AGAP1: variants seen among roughly 807,000 people sequenced by gnomAD.
The protein encoded by AGAP1 is ArfGAP with GTPase domain, ankyrin repeat and PH domain 1.
Under a neutral mutation model 105.3 loss-of-function variants are expected in AGAP1, and 29 were observed. That is an observed-to-expected ratio of 0.28 (90% CI 0.21 to 0.38). The LOEUF (loss-of-function observed/expected upper bound fraction) is 0.38. Among genes scored for constraint, AGAP1 ranks in the 10% least tolerant of loss-of-function variants. The probability of loss-of-function intolerance (pLI) is 1.00; values close to 1 mark genes in which losing one functional copy is unlikely to be tolerated. For missense variants in AGAP1, 998 were observed against 1,165.1 expected, an observed-to-expected ratio of 0.86 and a Z score of 2.09; for synonymous variants, 509 against 485.9, an observed-to-expected ratio of 1.05 and a Z score of -0.63.
rs947176429 is a variant in AGAP1 at position 235,586,871 on chromosome 2, G to T, written c.163+92022G>T. ...TCTTGAGGACGGGTTTTGTCGGAGT[G>T]TAGTTCATATACCATGCACAGCCTG... On this transcript the variant is annotated intron_variant, in intron 1 of 17. Transcript: ENST00000304032. This position sits in a 1 kb window ranked among gnomAD's most constrained non-coding sequence, Gnocchi z 4.2. 6.6e-6 allele frequency among the ~76,000 whole-genome samples: 1 copy of T among 152,176 alleles called. No homozygotes were observed. Among genetic ancestry groups the T allele is most frequent in the African/African-American group, 2.4e-5 (1 of 41,432 alleles).
At chr2:235,567,772 G>T (rs1944394009) in intron 1 of AGAP1, among the ~76,000 whole-genome samples, 1 of 151,830 alleles carries the variant, frequency 6.6e-6, no homozygotes, top group Non-Finnish European at 1.5e-5. Context: ...TGTCCACTGT[G>T]GGGGGCGGCT....
In AGAP1 at chr2:235,960,830, C is replaced by T. The variant is rs1164506046; in HGVS notation, c.1484-7632C>T. ...TGTCAATAGACTTCACTCATGGACT[C>T]AGTCGTTCGCCTAAAAATAGATTCC... On this transcript the variant is annotated intron_variant, in intron 12 of 17. Transcript: ENST00000304032. The surrounding 1 kb of genome is among the most constrained non-coding windows in gnomAD (Gnocchi z 4.9). 6.6e-6 allele frequency among the ~76,000 whole-genome samples: 1 copy of T among 152,214 alleles called. No homozygotes were observed. The highest frequency in any genetic ancestry group is 1.5e-5 in the Non-Finnish European group (1 of 68,050).
Position 235,714,974 on chromosome 2 carries a change from G to A in AGAP1, c.223-2583G>A, listed in dbSNP as rs1449389349. 6.6e-6 allele frequency among the ~76,000 whole-genome samples: 1 copy of A among 151,914 alleles called. No individual in the cohort carries two copies. The highest frequency in any genetic ancestry group is 1.5e-5 in the Non-Finnish European group (1 of 67,970). On this transcript the variant is annotated intron_variant, in intron 2 of 17. Coordinates refer to ENST00000304032, the MANE Select transcript of AGAP1 (RefSeq NM_001037131.3). The surrounding 1 kb of genome is among the most constrained non-coding windows in gnomAD (Gnocchi z 4.1). ...CACCACGCCTTGTTATTTTTTTGTA[G>A]TTTTAGTAGAGATGGGATTTCACCG...
chr2:236,072,005 CA>C (rs2058508788), intron 16 of AGAP1, among the ~76,000 whole-genome samples: 1 of 152,162 alleles, frequency 6.6e-6, no homozygotes, highest in Non-Finnish European at 1.5e-5. Flanking sequence ...GTCCCTGGCC[CA>C]TCTCTAGGAG....
chr2:235,677,620 C>T (rs1948812717), intron 1 of AGAP1, among the ~76,000 whole-genome samples: 1 of 151,966 alleles, frequency 6.6e-6, no homozygotes. Context: ...CCTTTGGGTG[C>T]ATCATTTGAG....
chr2:235,693,596 G>A (rs555695601), intron 1 of AGAP1, among the ~76,000 whole-genome samples: 3 of 152,138 alleles, frequency 2.0e-5, no homozygotes, highest in Non-Finnish European at 2.9e-5. Flanking sequence ...GGTGGCTCAC[G>A]GCTGTAGTCC....
chr2:236,012,761 C>A lies in AGAP1; in HGVS notation c.1646-23800C>A, dbSNP rs1047993856. Among the ~76,000 whole-genome samples, 34 of 117,674 alleles carry A rather than the reference C, an allele frequency of 2.9e-4. No homozygotes were observed. Among genetic ancestry groups the A allele is most frequent in the African/African-American group, 1.3e-3 (33 of 24,608 alleles). The allele number at this position is 117,674 out of a possible 152,430, so 77.2% of individuals were successfully genotyped here. ...CTGCTAGTTTAGAGGTTGTTTCTTA[C>A]TAAATTATTATTATTATTATTATTA... is the stretch of plus-strand genomic sequence containing the variant. On this transcript the variant is annotated intron_variant, in intron 13 of 17. Coordinates refer to ENST00000304032, the MANE Select transcript of AGAP1 (RefSeq NM_001037131.3). This position sits in a 1 kb window ranked among gnomAD's most constrained non-coding sequence, Gnocchi z 4.9.
At chr2:236,099,578 A>C (rs60633994) in intron 16 of AGAP1, among the ~76,000 whole-genome samples, 3,674 of 152,336 alleles carry the variant, frequency 0.024, 172 homozygotes, top group African/African-American at 0.085. Flanking sequence ...GGAGGCCGTA[A>C]CATCAGAATT....
intron 8 of AGAP1, among the ~76,000 whole-genome samples, chr2:235,803,001 A>G (rs978665773): frequency 2.8e-4 from 15 of 53,974 alleles, no homozygotes; most frequent in Admixed American, 5.3e-4. Flanking sequence ...GATGGTGGTG[A>G]TGGTTGTGGT....
intron 5 of AGAP1, among the ~76,000 whole-genome samples, chr2:235,748,647 A>G (rs1953167339): frequency 6.6e-6 from 1 of 152,218 alleles, no homozygotes; most frequent in African/African-American, 2.4e-5. Context: ...CATAGGGCTA[A>G]GAAAATAACA....
chr2:236,115,054 C>T (rs541644100), intron 16 of AGAP1, among the ~76,000 whole-genome samples: 2 of 152,194 alleles, frequency 1.3e-5, no homozygotes, highest in South Asian at 4.1e-4. Flanking sequence ...TGAGGAGTTG[C>T]GTGAAGCTCG....
At position 236,050,491 on chromosome 2, in the gene AGAP1, A is replaced by C. The variant is rs1403575551; in HGVS notation, c.2114+1210A>C. ...GGGTAAGTTTCTTACAAACCGAAGA[A>C]ATTATGCACTTTAAAAAGTATTTAT... is the stretch of plus-strand genomic sequence containing the variant. On this transcript the variant is annotated intron_variant, in intron 16 of 17. Coordinates refer to ENST00000304032, the MANE Select transcript of AGAP1 (RefSeq NM_001037131.3). This position sits in a 1 kb window ranked among gnomAD's most constrained non-coding sequence, Gnocchi z 4.0. Among the ~76,000 whole-genome samples, 1 of 152,222 alleles carries C rather than the reference A, an allele frequency of 6.6e-6. No individual in the cohort carries two copies. Among genetic ancestry groups the C allele is most frequent in the Non-Finnish European group, 1.5e-5 (1 of 68,038 alleles).
At position 235,506,881 on chromosome 2, in the gene AGAP1, C is replaced by G. The variant is rs142497490; in HGVS notation, c.163+12032C>G. 5.2e-3 allele frequency: 790 copies of G among 152,610 alleles called. 4 individuals are homozygous for G. The highest frequency in any genetic ancestry group is 0.018 in the African/African-American group (765 of 41,558). 9.5% of individuals were successfully genotyped at this position (152,610 alleles called of 1,614,324 possible). ...TGGCATAGACACCTCAGCCGTCTGC[C>G]CACAGGGTATGGGCAAGGTTTGTTT... is the stretch of plus-strand genomic sequence containing the variant. On this transcript the variant is annotated intron_variant, in intron 1 of 17. Coordinates refer to ENST00000304032, the MANE Select transcript of AGAP1 (RefSeq NM_001037131.3).
intron 8 of AGAP1, among the ~76,000 whole-genome samples, chr2:235,802,972 T>C (rs1957605013): frequency 6.8e-6 from 1 of 147,220 alleles, no homozygotes; most frequent in Non-Finnish European, 1.5e-5. Flanking sequence ...GTGATGATGG[T>C]TGTGGTTGTG....
At chr2:235,978,139 A>C (rs2054936086) in intron 13 of AGAP1, among the ~76,000 whole-genome samples, 8 of 152,086 alleles carry the variant, frequency 5.3e-5, no homozygotes, top group Admixed American at 5.2e-4. Context: ...ATCACCTCCC[A>C]AAGGCCCAGT....
In AGAP1 at chr2:235,801,020, C is replaced by A. The variant is rs554072550; in HGVS notation, c.957+1498C>A. 6.6e-6 allele frequency among the ~76,000 whole-genome samples: 1 copy of A among 152,282 alleles called. No individual in the cohort carries two copies. The highest frequency in any genetic ancestry group is 2.1e-4 in the South Asian group (1 of 4,814). ...TGCCAAGTCTGGGAGATCCCCCGCCCCTCTGCCACATGTCTGGGGCAGTCT... is the reference window on the plus strand; with the variant it reads ...TGCCAAGTCTGGGAGATCCCCCGCCACTCTGCCACATGTCTGGGGCAGTCT... On this transcript the variant is annotated intron_variant, in intron 8 of 17. Coordinates refer to ENST00000304032, the MANE Select transcript of AGAP1 (RefSeq NM_001037131.3). The surrounding 1 kb of genome is among the most constrained non-coding windows in gnomAD (Gnocchi z 6.0).
chr2:235,767,651 A>G (rs1955075827), intron 6 of AGAP1, among the ~76,000 whole-genome samples: 1 of 152,110 alleles, frequency 6.6e-6, no homozygotes, highest in South Asian at 2.1e-4. Flanking sequence ...TGCAGGCAGT[A>G]GGACCTTTCC....
chr2:235,972,873 A>G (rs755969334), intron 13 of AGAP1, among the ~76,000 whole-genome samples: 3 of 152,128 alleles, frequency 2.0e-5, no homozygotes, highest in Non-Finnish European at 2.9e-5. Context: ...GCTCCCCTCC[A>G]TCATCCCCCA....
Position 235,611,412 on chromosome 2 carries a change from A to T in AGAP1, c.164-97767A>T, listed in dbSNP as rs547220194. The stretch of plus-strand genomic sequence containing the variant: ...CTCAATGCAGCCTTCATATTTTCAT[A>T]ATGAATAGTTATTGTGAAGGAGCTG... On this transcript the variant is annotated intron_variant, in intron 1 of 17. Transcript: ENST00000304032. The surrounding 1 kb of genome is among the most constrained non-coding windows in gnomAD (Gnocchi z 5.0). 1.3e-5 allele frequency among the ~76,000 whole-genome samples: 2 copies of T among 152,374 alleles called. No individual in the cohort carries two copies. The highest frequency in any genetic ancestry group is 4.8e-5 in the African/African-American group (2 of 41,582).
Sources: allele counts gnomAD v4.1 joint callset (sites outside exome capture counted in the v4.1 genomes callset), GRCh38; gene constraint gnomAD v4.1.1; non-coding constraint Gnocchi (gnomAD v3.1); transcripts MANE v1.5; gene names NCBI Gene and HGNC (gene_info 2026-07-23, HGNC 2026-07-21).